Variants in NUDT2 observed in about 807,000 individuals in gnomAD.
NUDT2 encodes nudix hydrolase 2.
Under a neutral mutation model 14.2 loss-of-function variants are expected in NUDT2, and 12 were observed. That is an observed-to-expected ratio of 0.84 (90% CI 0.54 to 1.37). The LOEUF (loss-of-function observed/expected upper bound fraction) is 1.37, where lower values mean the gene tolerates loss of function less well. Ranked by LOEUF, NUDT2 falls within the 40% of genes most tolerant of loss-of-function variation. The pLI, the probability that NUDT2 is intolerant of heterozygous loss-of-function variation, is 0.00. For synonymous variants in NUDT2, 67 were observed against 67.4 expected (o/e 0.99, Z 0.03); for missense variants, 167 against 176.7 (o/e 0.95, Z 0.31).
At chr9:34,342,759 G>A (rs1374027589) in intron 4 of NUDT2, among the ~76,000 whole-genome samples, 1 of 152,088 alleles carries the variant, frequency 6.6e-6, no homozygotes, top group African/African-American at 2.4e-5. Context: ...GCTCATACCT[G>A]TAATCCCAAC....
intron 2 of NUDT2, among the ~76,000 whole-genome samples, chr9:34,336,899 C>A (rs545217850): frequency 2.0e-5 from 3 of 151,130 alleles, no homozygotes; most frequent in Admixed American, 2.0e-4. Flanking sequence ...ATATACTGTA[C>A]TTTTTGCCTA....
In NUDT2 at chr9:34,343,283, C is replaced by A; in HGVS notation, c.287C>A (p.Ala96Glu). ...CCTAAAACAGTCATTTACTGGCTGG[C>A]GGAGGTGAAGGACTATGACGTGGAG... ...NKPKTVIYWL[A>E]EVKDYDVEIR... The change falls in exon 5 of 5, where the codon GCG becomes GAG. Residue 96 changes from alanine to glutamate, a missense_variant. Ala to Glu is a moderately radical substitution (Grantham distance 107, BLOSUM62 -1). Transcript: ENST00000379158. 6.2e-7 allele frequency: 1 copy of A among 1,611,076 alleles called. No individual in the cohort carries two copies. The highest frequency in any genetic ancestry group is 8.5e-7 in the Non-Finnish European group (1 of 1,179,216).
chr9:34,338,045 T>C (rs1463858912), intron 2 of NUDT2, among the ~76,000 whole-genome samples: 1 of 150,248 alleles, frequency 6.7e-6, no homozygotes, highest in Non-Finnish European at 1.5e-5. Flanking sequence ...GGTTTCACCA[T>C]GTTGGCCAGG....
intron 1 of NUDT2, 53 bp downstream of exon 1, chr9:34,329,652 C>G (rs1837822714): frequency 1.3e-5 from 2 of 152,356 alleles, no homozygotes; most frequent in African/African-American, 4.8e-5. Context: ...AGGAAATGAG[C>G]CTTGGAGCGA....
At chr9:34,338,327 TAAAAAAAAA>T (rs61594121) in intron 2 of NUDT2, among the ~76,000 whole-genome samples, 38 of 33,738 alleles carry the variant, frequency 1.1e-3, no homozygotes, top group Middle Eastern at 0.025. Context: ...ACCCTGTCTC[TAAAAAAAAA>T]AAAAAAAAAA....
intron 4 of NUDT2, among the ~76,000 whole-genome samples, chr9:34,340,259 C>G (rs1004598523): frequency 1.3e-5 from 2 of 152,128 alleles, no homozygotes; most frequent in African/African-American, 4.8e-5. Flanking sequence ...GAACTAAACA[C>G]AGAGAGTATG....
intron 1 of NUDT2, among the ~76,000 whole-genome samples, chr9:34,331,882 C>T (rs55708143): frequency 0.16 from 24,238 of 152,142 alleles, 2,349 homozygotes; most frequent in South Asian, 0.25. Flanking sequence ...TTTCTCTTTC[C>T]CTTGGCTTAT....
intron 1 of NUDT2, among the ~76,000 whole-genome samples, chr9:34,335,742 T>G (rs1289654636): frequency 6.6e-6 from 1 of 152,228 alleles, no homozygotes; most frequent in African/African-American, 2.4e-5. Context: ...TGAGATTAAC[T>G]GTTAGCTGAT....
At chr9:34,335,190 G>A (rs1369259231) in intron 1 of NUDT2, among the ~76,000 whole-genome samples, 1 of 152,226 alleles carries the variant, frequency 6.6e-6, no homozygotes, top group African/African-American at 2.4e-5. Context: ...GTGAAAGGAA[G>A]TTGTGGGTTT....
intron 1 of NUDT2, among the ~76,000 whole-genome samples, chr9:34,330,287 C>T (rs1040452112): frequency 6.6e-6 from 1 of 152,160 alleles, no homozygotes; most frequent in Non-Finnish European, 1.5e-5. Flanking sequence ...CACGTATAGT[C>T]CCTGCTACTC....
intron 1 of NUDT2, among the ~76,000 whole-genome samples, chr9:34,330,452 A>C (rs1336735403): frequency 1.3e-5 from 2 of 152,204 alleles, no homozygotes; most frequent in Non-Finnish European, 2.9e-5. Flanking sequence ...AAATTGTCAA[A>C]TGTAAAACGC....
At chr9:34,335,006 C>T (rs1838053273) in intron 1 of NUDT2, among the ~76,000 whole-genome samples, 1 of 152,206 alleles carries the variant, frequency 6.6e-6, no homozygotes, top group Non-Finnish European at 1.5e-5. Flanking sequence ...CCTGTACTTT[C>T]TCTCTGATCT....
Position 34,343,351 on chromosome 9 carries a change from CT to C in NUDT2, c.356del (p.Leu119ArgfsTer13). ...HEHQAYRWLG[L>X]EEACQLAQFK... The stretch of plus-strand genomic sequence containing the variant: ...GCACCAAGCCTACCGCTGGCTGGGG[CT>C]GGAGGAGGCCTGCCAGTTGGCTCAG... On this transcript the variant is annotated frameshift_variant, in exon 5 of 5. Coordinates refer to ENST00000379158, the MANE Select transcript of NUDT2 (RefSeq NM_001161.5). LOFTEE classifies it high-confidence loss of function. The C allele has an allele frequency of 6.2e-7, 1 of 1,614,052 alleles. No individual in the cohort carries two copies. Among genetic ancestry groups the C allele is most frequent in the Non-Finnish European group, 8.5e-7 (1 of 1,179,984 alleles).
At chr9:34,330,125 C>T (rs1837853962) in intron 1 of NUDT2, among the ~76,000 whole-genome samples, 2 of 152,226 alleles carry the variant, frequency 1.3e-5, no homozygotes. Context: ...CAATGCAGGC[C>T]GGGTGCGGTG....
chr9:34,338,884 T>A, intron 3 of NUDT2, 37 bp downstream of exon 3: 1 of 656,024 alleles, frequency 1.5e-6, no homozygotes, highest in East Asian at 2.8e-5. Flanking sequence ...CCATTGGTCC[T>A]GGGCATGCTG....
At chr9:34,333,847 C>T (rs1399626655) in intron 1 of NUDT2, among the ~76,000 whole-genome samples, 1 of 152,110 alleles carries the variant, frequency 6.6e-6, no homozygotes, top group African/African-American at 2.4e-5. Flanking sequence ...TACAGGCCAG[C>T]TATGCCCTTA....
At chr9:34,339,785 G>C (rs904787451) in intron 4 of NUDT2, among the ~76,000 whole-genome samples, 6 of 152,098 alleles carry the variant, frequency 3.9e-5, no homozygotes, top group African/African-American at 1.4e-4. Flanking sequence ...CAAAGCTGCA[G>C]TGAGCCGAGA....
Position 34,339,027 on chromosome 9 carries a change from T to G in NUDT2, c.-13T>G, listed in dbSNP as rs1203472274. The G allele has an allele frequency of 1.2e-6, 2 of 1,607,654 alleles. No homozygotes were observed. The highest frequency in any genetic ancestry group is 1.7e-6 in the Non-Finnish European group (2 of 1,174,886). On this transcript the variant is annotated 5_prime_UTR_variant, in exon 4 of 5. Coordinates refer to ENST00000379158, the MANE Select transcript of NUDT2 (RefSeq NM_001161.5). The stretch of plus-strand genomic sequence containing the variant: ...ATTCTGTATCTTCTTTGTTAAGTCC[T>G]TAGGATAAGACCATGGCCTTGAGAG...
At chr9:34,332,296 C>T (rs1159092124) in intron 1 of NUDT2, among the ~76,000 whole-genome samples, 25 of 152,216 alleles carry the variant, frequency 1.6e-4, no homozygotes, top group Admixed American at 1.6e-3. Context: ...GCCTGGTAAA[C>T]TAGTGACCCA....
Sources: gnomAD v4.1 joint callset for allele counts (sites outside exome capture counted in the v4.1 genomes callset) on GRCh38, gnomAD v4.1.1 for gene constraint, MANE v1.5 for transcripts, NCBI Gene and HGNC (gene_info 2026-07-23, HGNC 2026-07-21) for gene names.